Variants in ZC3H12B observed in about 807,000 individuals in gnomAD.
ZC3H12B encodes zinc finger CCCH-type containing 12B.
ZC3H12B carries 7 observed loss-of-function variants against 43.9 expected under a neutral mutation model. That is an observed-to-expected ratio of 0.16 (90% CI 0.09 to 0.30). The LOEUF (loss-of-function observed/expected upper bound fraction) is 0.30. ZC3H12B is among the 10% of genes least tolerant of loss of function. The probability of loss-of-function intolerance (pLI) is 1.00; values close to 1 mark genes in which losing one functional copy is unlikely to be tolerated. For synonymous variants in ZC3H12B, 222 were observed against 241.7 expected, an observed-to-expected ratio of 0.92 and a Z score of 0.76; for missense variants, 475 against 670.2, an observed-to-expected ratio of 0.71 and a Z score of 3.22.
At chrX:65,346,536 C>CA in the ZC3H12B span, among the ~76,000 whole-genome samples, 1 of 111,806 alleles carries the variant, frequency 8.9e-6, no homozygotes, top group Non-Finnish European at 1.9e-5. Context: ...AAAAAAACCC[C>CA]AAAATTATCA....
the ZC3H12B span, among the ~76,000 whole-genome samples, chrX:65,213,634 AACTATGAAGTGGTT>A: frequency 9.0e-6 from 1 of 110,882 alleles, no homozygotes; most frequent in African/African-American, 3.3e-5. Flanking sequence ...CTAGTCAGAT[AACTATGAAGTGGTT>A]ACTTTGTTTT....
chrX:65,228,386 AAAT>A, the ZC3H12B span, among the ~76,000 whole-genome samples: 1 of 111,606 alleles, frequency 9.0e-6, no homozygotes, highest in Non-Finnish European at 1.9e-5. Context: ...ACGTATCTCA[AAAT>A]AATAAGAGCT....
upstream of ZC3H12B, among the ~76,000 whole-genome samples, chrX:65,488,389 G>A (rs1235399800): frequency 3.2e-5 from 3 of 93,588 alleles, no homozygotes; most frequent in South Asian, 7.6e-4. Flanking sequence ...TGTCCATGTC[G>A]CAGGGTGGGG....
chrX:65,391,779 C>A (rs2066619653), intron 2 of ZC3H12B, among the ~76,000 whole-genome samples: 1 of 111,384 alleles, frequency 9.0e-6, no homozygotes, highest in Non-Finnish European at 1.9e-5. Context: ...CCCTCTCCCT[C>A]ATCTCCGTCT....
chrX:65,124,746 C>T, the ZC3H12B span, among the ~76,000 whole-genome samples: 2 of 110,491 alleles, frequency 1.8e-5, no homozygotes, highest in African/African-American at 6.6e-5. Context: ...TTATCCATAT[C>T]CTCTGGATTT....
the ZC3H12B span, among the ~76,000 whole-genome samples, chrX:65,250,351 G>A: frequency 2.7e-5 from 3 of 111,865 alleles, no homozygotes; most frequent in African/African-American, 6.5e-5. Flanking sequence ...GGATATTTGG[G>A]TTGGTTCCAA....
the ZC3H12B span, among the ~76,000 whole-genome samples, chrX:65,154,655 C>T: frequency 4.5e-5 from 5 of 111,420 alleles, no homozygotes; most frequent in East Asian, 1.1e-3. Context: ...AAGAGACCAG[C>T]CTGGGCAATG....
intron 3 of ZC3H12B, among the ~76,000 whole-genome samples, chrX:65,480,993 A>G (rs2068056794): frequency 8.9e-6 from 1 of 111,903 alleles, no homozygotes; most frequent in Admixed American, 9.5e-5. Flanking sequence ...TGCTTTTAGT[A>G]GAGTTCACAA....
chrX:65,230,304 T>C, the ZC3H12B span, among the ~76,000 whole-genome samples: 1 of 109,557 alleles, frequency 9.1e-6, no homozygotes, highest in South Asian at 4.0e-4. Flanking sequence ...CAAACATGCA[T>C]TTTCTCACTC....
the ZC3H12B span, among the ~76,000 whole-genome samples, chrX:65,252,665 A>T: frequency 8.9e-6 from 1 of 111,784 alleles, no homozygotes; most frequent in Non-Finnish European, 1.9e-5. Flanking sequence ...GCCTCTCAAT[A>T]TAATACCAGT....
At chrX:65,150,085 C>T in the ZC3H12B span, among the ~76,000 whole-genome samples, 10 of 110,682 alleles carry the variant, frequency 9.0e-5, no homozygotes, top group Non-Finnish European at 1.7e-4. Context: ...TACTCCACTA[C>T]ATCTAATTAG....
chrX:65,447,605 A>G (rs906818003), intron 3 of ZC3H12B, among the ~76,000 whole-genome samples: 31 of 112,232 alleles, frequency 2.8e-4, no homozygotes, highest in African/African-American at 9.7e-4. Flanking sequence ...TAATTAAACT[A>G]AAAAGCTTCT....
the ZC3H12B span, among the ~76,000 whole-genome samples, chrX:65,106,503 G>T: frequency 1.0e-3 from 115 of 111,661 alleles, no homozygotes; most frequent in Admixed American, 6.0e-3. Context: ...AAGGGAGATT[G>T]TGTAGGAGGT....
the ZC3H12B span, among the ~76,000 whole-genome samples, chrX:65,129,422 T>G: frequency 9.3e-6 from 1 of 107,713 alleles, no homozygotes; most frequent in African/African-American, 3.4e-5. Flanking sequence ...GAGTTAGGGG[T>G]GGGGCAGTTT....
chrX:65,447,014 G>A (rs1048687151), intron 3 of ZC3H12B, among the ~76,000 whole-genome samples: 1 of 111,715 alleles, frequency 9.0e-6, no homozygotes, highest in African/African-American at 3.3e-5. Context: ...TTTTGTTGGA[G>A]TACTTTGGGC....
the ZC3H12B span, among the ~76,000 whole-genome samples, chrX:65,080,594 G>T: frequency 9.1e-6 from 1 of 110,424 alleles, no homozygotes; most frequent in Non-Finnish European, 1.9e-5. Context: ...AAGTGCAGAA[G>T]AAAAAAAACT....
the ZC3H12B span, among the ~76,000 whole-genome samples, chrX:65,160,855 A>G: frequency 5.4e-5 from 6 of 110,551 alleles, no homozygotes; most frequent in African/African-American, 1.3e-4. Flanking sequence ...GTGATGTTAA[A>G]GTGTCAATTT....
chrX:65,124,789 G>A, the ZC3H12B span, among the ~76,000 whole-genome samples: 26 of 110,488 alleles, frequency 2.4e-4, no homozygotes, highest in Non-Finnish European at 4.2e-4. Context: ...GTTAATAGTA[G>A]CCTTCAAAAA....
chrX:65,336,511 A>G, the ZC3H12B span, among the ~76,000 whole-genome samples: 1 of 112,531 alleles, frequency 8.9e-6, no homozygotes, highest in Non-Finnish European at 1.9e-5. Context: ...CTTAGCACCA[A>G]TTATCGAACT....
Sources: gnomAD v4.1 joint callset for allele counts (sites outside exome capture counted in the v4.1 genomes callset) on GRCh38, gnomAD v4.1.1 for gene constraint, MANE v1.5 for transcripts, NCBI Gene and HGNC (gene_info 2026-07-23, HGNC 2026-07-21) for gene names.